TEX10: variants seen among roughly 807,000 people sequenced by gnomAD.
TEX10 encodes the protein testis expressed 10.
Under a neutral mutation model 104.4 loss-of-function variants are expected in TEX10, and 24 were observed. The observed-to-expected ratio is 0.23, with a 90% CI of 0.17 to 0.32. The LOEUF is 0.32. TEX10 is among the 10% of genes least tolerant of loss of function. The pLI is 1.00. For missense variants in TEX10, 921 were observed against 1,083.9 expected (o/e 0.85, Z 2.11); for synonymous variants, 396 against 393.4 (o/e 1.01, Z -0.08).
At position 100,325,460 on chromosome 9, in the gene TEX10, G is replaced by A. The variant is rs139860903; in HGVS notation, c.1979+842C>T. 1.2e-4 allele frequency among the ~76,000 whole-genome samples: 18 copies of A among 152,300 alleles called. No individual in the cohort carries two copies. In the East Asian group the frequency reaches 2.9e-3, roughly 25 times the overall value. On this transcript the variant is annotated intron_variant, in intron 9 of 14. Coordinates refer to ENST00000374902, the MANE Select transcript of TEX10 (RefSeq NM_017746.4). The stretch of plus-strand genomic sequence containing the variant: ...CTCCTGAGCCCAAGAGTTCAAAGCT[G>A]CAGTGAGCTATGATCATGCCACTTG...
chr9:100,311,277 A>G (rs1039030302), intron 11 of TEX10, among the ~76,000 whole-genome samples: 2 of 151,906 alleles, frequency 1.3e-5, no homozygotes, highest in Non-Finnish European at 2.9e-5. Context: ...TGCTTGTGGT[A>G]CCAGCTACTC....
rs1453387004 is a variant in TEX10 at position 100,329,970 on chromosome 9, C to G, written c.1450G>C (p.Gly484Arg). ...ATTTGCATTAACCTCCAGGATACTC[C>G]CAGCAATCTGTTCAGTTGCTTACTA... is the stretch of plus-strand genomic sequence containing the variant. Reference protein sequence around the residue: ...LNSKQLNRLLGVSWRLMQIQP... With the variant: ...LNSKQLNRLLRVSWRLMQIQP... Residue 484 changes from glycine (G) to arginine (R), a missense_variant, in exon 6 of 15, where the codon GGA becomes CGA. By Grantham distance (125) the Gly-to-Arg change is moderately radical. Around this residue, in one of 3 missense-constraint regions of TEX10, gnomAD observed 753 missense variants for 868.4 expected, o/e 0.87. Coordinates refer to ENST00000374902, the MANE Select transcript of TEX10 (RefSeq NM_017746.4). The G allele has an allele frequency of 6.2e-7, 1 of 1,613,734 alleles. No individual in the cohort carries two copies. Among genetic ancestry groups the G allele is most frequent in the Non-Finnish European group, 8.5e-7 (1 of 1,179,868 alleles).
intron 5 of TEX10, among the ~76,000 whole-genome samples, chr9:100,336,636 T>C (rs1202963807): frequency 3.3e-5 from 5 of 152,172 alleles, no homozygotes; most frequent in African/African-American, 1.2e-4. Flanking sequence ...CGTATTACAA[T>C]GTAATAATAG....
intron 5 of TEX10, among the ~76,000 whole-genome samples, chr9:100,334,385 A>T (rs1369835898): frequency 6.6e-6 from 1 of 152,186 alleles, no homozygotes; most frequent in African/African-American, 2.4e-5. Context: ...ATAACTGCCA[A>T]ATCTATAATA....
At chr9:100,305,350 A>T (rs897483552) in intron 13 of TEX10, 2 of 152,216 alleles carry the variant, frequency 1.3e-5, no homozygotes, top group East Asian at 3.8e-4. Flanking sequence ...AATCCATTCT[A>T]GGCCAAATAG....
At chr9:100,352,589 C>T (rs1298156798) in intron 1 of TEX10, 183 bp downstream of exon 1, 20 of 1,507,698 alleles carry the variant, frequency 1.3e-5, no homozygotes, top group East Asian at 4.9e-5. Flanking sequence ...GGGGGTCCCG[C>T]CCCCGCAGTG....
At chr9:100,334,719 C>G (rs997463641) in intron 5 of TEX10, among the ~76,000 whole-genome samples, 5 of 150,078 alleles carry the variant, frequency 3.3e-5, no homozygotes, top group Non-Finnish European at 5.9e-5. Flanking sequence ...GGCCAGAGTA[C>G]AGTGGCACTA....
chr9:100,326,055 TAC>T (rs1834698205), intron 9 of TEX10, among the ~76,000 whole-genome samples: 1 of 152,152 alleles, frequency 6.6e-6, no homozygotes, highest in African/African-American at 2.4e-5. Context: ...AATCCCTTAC[TAC>T]ACACACTTTT....
chr9:100,310,182 C>T (rs1834238179), intron 12 of TEX10, 117 bp downstream of exon 12: 2 of 819,074 alleles, frequency 2.4e-6, no homozygotes, highest in African/African-American at 3.5e-5. Context: ...CTGCAAGAGA[C>T]TATGATATCA....
intron 13 of TEX10, chr9:100,306,149 G>A (rs751821091): frequency 6.6e-6 from 1 of 152,138 alleles, no homozygotes; most frequent in African/African-American, 2.4e-5. Flanking sequence ...GGAGGATTAA[G>A]TAAAAGAATT....
chr9:100,304,804 G>C (rs1270395899), intron 13 of TEX10: 4 of 151,184 alleles, frequency 2.6e-5, no homozygotes, highest in African/African-American at 4.9e-5. Flanking sequence ...GTTGTAGTGA[G>C]CCGAGATCAC....
chr9:100,328,609 C>T (rs1284461374), intron 7 of TEX10, among the ~76,000 whole-genome samples: 1 of 152,196 alleles, frequency 6.6e-6, no homozygotes, highest in Non-Finnish European at 1.5e-5. Flanking sequence ...TACGTTACAA[C>T]AACTACCTAT....
At chr9:100,345,733 C>T (rs1438916424) in intron 4 of TEX10, among the ~76,000 whole-genome samples, 1 of 152,142 alleles carries the variant, frequency 6.6e-6, no homozygotes, top group Non-Finnish European at 1.5e-5. Flanking sequence ...ACTTTTTAAA[C>T]CTTGTAAGAG....
chr9:100,352,272 G>T, intron 1 of TEX10: 2 of 1,285,486 alleles, frequency 1.6e-6, no homozygotes, highest in Non-Finnish European at 2.2e-6. Flanking sequence ...AAAAGCAAAT[G>T]GCCCAGGCAG....
chr9:100,351,901 C>T (rs192356874), intron 1 of TEX10, among the ~76,000 whole-genome samples: 13 of 152,272 alleles, frequency 8.5e-5, no homozygotes. Flanking sequence ...TTACAGTAGC[C>T]GGTTTTTAGC....
chr9:100,328,639 A>T (rs1309187208), intron 7 of TEX10, among the ~76,000 whole-genome samples: 1 of 152,184 alleles, frequency 6.6e-6, no homozygotes, highest in African/African-American at 2.4e-5. Context: ...GGTATCCCAA[A>T]TCTGTATCTT....
intron 2 of TEX10, 77 bp downstream of exon 2, chr9:100,349,107 A>C: frequency 7.7e-7 from 1 of 1,300,894 alleles, no homozygotes; most frequent in Non-Finnish European, 1.0e-6. Flanking sequence ...GAGTTTAGAC[A>C]AATTTTCACA....
chr9:100,331,193 G>A (rs760667700), intron 5 of TEX10, among the ~76,000 whole-genome samples: 4 of 152,110 alleles, frequency 2.6e-5, no homozygotes, highest in South Asian at 2.1e-4. Context: ...CCCAGGAGGC[G>A]GAGTTTGCAG....
intron 5 of TEX10, among the ~76,000 whole-genome samples, chr9:100,337,670 C>T (rs1443456798): frequency 2.6e-5 from 4 of 152,186 alleles, no homozygotes; most frequent in Admixed American, 6.5e-5. Context: ...AGTCAAGAAA[C>T]GGCTTCCACA....
Sources: allele counts gnomAD v4.1 joint callset (sites outside exome capture counted in the v4.1 genomes callset), GRCh38; gene constraint gnomAD v4.1.1; regional missense constraint gnomAD v4.1.1; transcripts MANE v1.5; gene names NCBI Gene and HGNC (gene_info 2026-07-23, HGNC 2026-07-21).